The following UNC13B variants were observed in gnomAD, a reference collection of about 807,000 sequenced individuals.
UNC13B encodes the protein protein unc-13 homolog B.
UNC13B carries 144 observed loss-of-function variants against 211.0 expected under a neutral mutation model. The ratio of observed to expected loss-of-function variants is 0.68; its 90% CI spans 0.60 to 0.78. The LOEUF is 0.78. UNC13B is among the 30% of genes least tolerant of loss of function. UNC13B has a pLI of 0.00. For synonymous variants in UNC13B, 709 were observed against 725.8 expected, an observed-to-expected ratio of 0.98 and a Z score of 0.37; for missense variants, 1,777 against 2,002.0, an observed-to-expected ratio of 0.89 and a Z score of 2.14.
intron 1 of UNC13B, among the ~76,000 whole-genome samples, chr9:35,213,571 C>T (rs1161615463): frequency 6.6e-6 from 1 of 152,192 alleles, no homozygotes; most frequent in Non-Finnish European, 1.5e-5. Context: ...TAATGGCTTC[C>T]TGGTGACAAG....
intron 1 of UNC13B, among the ~76,000 whole-genome samples, chr9:35,167,757 T>A (rs1486393956): frequency 7.3e-6 from 1 of 136,316 alleles, no homozygotes; most frequent in Non-Finnish European, 1.6e-5. Flanking sequence ...CTGGCTAATT[T>A]TTTTTTTTTT....
Position 35,305,604 on chromosome 9 carries a change from A to G in UNC13B, c.6200A>G (p.Asn2067Ser), listed in dbSNP as rs905109829. The change falls in exon 9 of 40, where the codon AAT becomes AGT. Residue 2067 changes from asparagine (N) to serine (S), a missense_variant. Asn to Ser is a conservative substitution (Grantham distance 46). Transcript: ENST00000635942. The stretch of plus-strand genomic sequence containing the variant: ...GAATCAACTAGAGGGATCCAGGGTA[A>G]TGATTTGACTGAAAAAGAGGTACCA... ...LEESTRGIQG[N>S]DLTEKEVPFR... is the part of the protein sequence containing the mutation. The G allele has an allele frequency of 2.5e-5, 10 of 398,878 alleles. No homozygotes were observed. The highest frequency in any genetic ancestry group is 8.8e-5 in the Admixed American group (2 of 22,710). 24.7% of individuals were successfully genotyped at this position (398,878 alleles called of 1,614,324 possible).
At chr9:35,385,680 C>A (rs1564187927) in intron 22 of UNC13B, 44 bp from the exon 23 acceptor site, 2 of 1,547,230 alleles carry the variant, frequency 1.3e-6, no homozygotes, top group East Asian at 4.6e-5. Flanking sequence ...GGAAGGTTTT[C>A]ATAGTCCTCT....
chr9:35,202,404 T>C (rs1823361239), intron 1 of UNC13B, among the ~76,000 whole-genome samples: 1 of 152,194 alleles, frequency 6.6e-6, no homozygotes, highest in African/African-American at 2.4e-5. Context: ...TGGATATCCT[T>C]GTTAACTTTC....
intron 22 of UNC13B, chr9:35,385,092 A>T (rs1835105862): frequency 1.0e-6 from 1 of 985,452 alleles, no homozygotes; most frequent in Non-Finnish European, 1.2e-6. Flanking sequence ...TTAAAAACTG[A>T]CCATTAATGT....
chr9:35,310,652 C>T lies in UNC13B; in HGVS notation c.9194C>T (p.Pro3065Leu), dbSNP rs1008461963. 6.8e-6 allele frequency: 11 copies of T among 1,613,826 alleles called. No homozygotes were observed. Among genetic ancestry groups the T allele is most frequent in the Non-Finnish European group, 8.5e-6 (10 of 1,179,990 alleles). ...GQAGFGEQEK[P>L]LEVTGQAEKE... is the part of the protein sequence containing the mutation. ...GCAGGTTTTGGAGAACAAGAGAAAC[C>T]CTTGGAGGTGACAGGTCAAGCAGAG... Residue 3065 changes from proline to leucine, a missense_variant, in exon 10 of 40, where the codon CCC becomes CTC. Transcript: ENST00000635942.
chr9:35,317,294 G>A (rs1391699181), intron 11 of UNC13B, among the ~76,000 whole-genome samples: 1 of 151,968 alleles, frequency 6.6e-6, no homozygotes, highest in African/African-American at 2.4e-5. Context: ...TCAACCTCCT[G>A]GGCTCAAGTG....
intron 7 of UNC13B, among the ~76,000 whole-genome samples, chr9:35,264,778 G>A (rs1392967271): frequency 6.6e-6 from 1 of 152,214 alleles, no homozygotes; most frequent in East Asian, 1.9e-4. Context: ...TCAAGCCAAA[G>A]AGAATTATTC....
chr9:35,388,786 A>G (rs1311343001), intron 24 of UNC13B, among the ~76,000 whole-genome samples: 1 of 152,246 alleles, frequency 6.6e-6, no homozygotes, highest in Non-Finnish European at 1.5e-5. Flanking sequence ...TTTAAACTGT[A>G]TTGAACGCCG....
At chr9:35,284,036 G>GA (rs1407475513) in intron 7 of UNC13B, among the ~76,000 whole-genome samples, 5 of 152,144 alleles carry the variant, frequency 3.3e-5, no homozygotes, top group Non-Finnish European at 5.9e-5. Context: ...GAGGCCGGGG[G>GA]ATCACTTGAG....
intron 17 of UNC13B, among the ~76,000 whole-genome samples, chr9:35,378,679 C>A (rs1037547677): frequency 2.6e-5 from 4 of 152,102 alleles, no homozygotes; most frequent in Non-Finnish European, 5.9e-5. Flanking sequence ...CCTAGGGCAC[C>A]CCATCCTGCT....
rs531514050 is a variant in UNC13B at position 35,165,608 on chromosome 9, G to A, written c.22+3303G>A. 1.1e-4 allele frequency among the ~76,000 whole-genome samples: 17 copies of A among 151,538 alleles called. No individual in the cohort carries two copies. In the East Asian group the frequency reaches 2.7e-3, roughly 24 times the overall value. On this transcript the variant is annotated intron_variant, in intron 1 of 39. Transcript: ENST00000635942. ...AATTTTTTGTATTTTTAGTAGAGAC[G>A]GGGTTTCACCATGTTGGCCAGGCTG...
chr9:35,199,849 A>T (rs1823176433), intron 1 of UNC13B, among the ~76,000 whole-genome samples: 1 of 151,908 alleles, frequency 6.6e-6, no homozygotes, highest in Middle Eastern at 3.2e-3. Context: ...GTTTAATTAG[A>T]TCCCATTTGT....
At chr9:35,162,368 G>T in intron 1 of UNC13B, 63 bp downstream of exon 1, 1 of 1,476,606 alleles carries the variant, frequency 6.8e-7, no homozygotes, top group Non-Finnish European at 9.0e-7. Flanking sequence ...CACCCTTCCA[G>T]TGGACGTCCG....
intron 12 of UNC13B, among the ~76,000 whole-genome samples, chr9:35,369,074 G>C (rs966513505): frequency 2.0e-5 from 3 of 152,204 alleles, no homozygotes; most frequent in South Asian, 2.1e-4. Context: ...ACTTCCCTCA[G>C]TCTGGTAGTC....
chr9:35,165,664 A>G (rs1587268357), intron 1 of UNC13B, among the ~76,000 whole-genome samples: 1 of 151,760 alleles, frequency 6.6e-6, no homozygotes, highest in African/African-American at 2.4e-5. Context: ...TGATCTGCCC[A>G]CCTCGGCCTC....
intron 11 of UNC13B, among the ~76,000 whole-genome samples, chr9:35,350,556 G>A (rs1832653992): frequency 6.6e-6 from 1 of 152,166 alleles, no homozygotes; most frequent in African/African-American, 2.4e-5. Context: ...ACCAAGCTAA[G>A]CCTAAACCTC....
chr9:35,322,769 C>A (rs1830803782), intron 11 of UNC13B, among the ~76,000 whole-genome samples: 1 of 151,938 alleles, frequency 6.6e-6, no homozygotes, highest in African/African-American at 2.4e-5. Context: ...GACTTTGCAC[C>A]AGGGAAATAC....
chr9:35,318,156 A>G (rs1830560543), intron 11 of UNC13B, among the ~76,000 whole-genome samples: 1 of 152,216 alleles, frequency 6.6e-6, no homozygotes, highest in African/African-American at 2.4e-5. Context: ...CTAAGAACTT[A>G]ATTGAATAAG....
Sources: gnomAD v4.1 joint callset for allele counts (sites outside exome capture counted in the v4.1 genomes callset) on GRCh38, gnomAD v4.1.1 for gene constraint, MANE v1.5 for transcripts, NCBI Gene and HGNC (gene_info 2026-07-23, HGNC 2026-07-21) for gene names.